The following RAD51B variants were observed in gnomAD, a reference collection of about 807,000 sequenced individuals.
RAD51B encodes the protein RAD51 paralog B.
RAD51B carries 38 observed loss-of-function variants against 42.2 expected under a neutral mutation model. That is an observed-to-expected ratio of 0.90 (90% confidence interval 0.70 to 1.18). The LOEUF (loss-of-function observed/expected upper bound fraction) is 1.18, where lower values mean the gene tolerates loss of function less well. Ranked by LOEUF, RAD51B falls within the 50% of genes most tolerant of loss-of-function variation. The pLI is 0.00. For missense variants in RAD51B, 373 were observed against 400.7 expected, an observed-to-expected ratio of 0.93 and a Z score of 0.59; for synonymous variants, 154 against 145.2, an observed-to-expected ratio of 1.06 and a Z score of -0.43.
At chr14:68,514,107 C>T (rs1360761214) in intron 10 of RAD51B, among the ~76,000 whole-genome samples, 4 of 152,198 alleles carry the variant, frequency 2.6e-5, no homozygotes, top group African/African-American at 9.7e-5. Context: ...TACTGACTAG[C>T]TATGTGGCAA....
rs373899930 is a variant in RAD51B at position 68,677,239 on chromosome 14, G to A, written c.*11+26383G>A. On this transcript the variant is annotated intron_variant, in intron 11 of 11. Transcript: ENST00000488612. ...GAGCCTAAATCAGGCTCACCCTGGGGAACAAGTTCAGAGGACCCCATCAGT... is the reference window on the plus strand; with the variant it reads ...GAGCCTAAATCAGGCTCACCCTGGGAAACAAGTTCAGAGGACCCCATCAGT... Among the ~76,000 whole-genome samples the A allele has an allele frequency of 7.9e-5, 12 of 152,236 alleles. No homozygotes were observed. In the South Asian group the frequency reaches 2.5e-3, roughly 32 times the overall value.
intron 7 of RAD51B, among the ~76,000 whole-genome samples, chr14:67,948,908 G>T (rs942998684): frequency 6.0e-5 from 8 of 134,316 alleles, no homozygotes; most frequent in Non-Finnish European, 9.2e-5. Context: ...TTCCAGCCTG[G>T]GTGACAGAGT....
chr14:68,159,786 C>A (rs1043789767), intron 7 of RAD51B, among the ~76,000 whole-genome samples: 5 of 151,986 alleles, frequency 3.3e-5, no homozygotes, highest in Admixed American at 2.0e-4. Context: ...TTTTCTTACT[C>A]CCGTTCCAGA....
intron 10 of RAD51B, chr14:68,563,363 G>T: frequency 1.0e-6 from 1 of 985,410 alleles, no homozygotes; most frequent in Non-Finnish European, 1.2e-6. Flanking sequence ...CCTTCCCAGT[G>T]ATACTGCGAG....
At chr14:68,149,242 G>A (rs2078321683) in intron 7 of RAD51B, among the ~76,000 whole-genome samples, 1 of 151,736 alleles carries the variant, frequency 6.6e-6, no homozygotes, top group Non-Finnish European at 1.5e-5. Context: ...TTCATGGATT[G>A]TGCTTTAAGT....
chr14:68,375,609 G>A (rs1479838327), intron 8 of RAD51B, among the ~76,000 whole-genome samples: 1 of 149,852 alleles, frequency 6.7e-6, no homozygotes, highest in Non-Finnish European at 1.5e-5. Context: ...TTGTGTAACT[G>A]TTTGCATGTT....
At chr14:67,882,999 C>T (rs2042958638) in intron 5 of RAD51B, among the ~76,000 whole-genome samples, 1 of 152,244 alleles carries the variant, frequency 6.6e-6, no homozygotes, top group South Asian at 2.1e-4. Context: ...CCTGCCTTGG[C>T]CTCCCAGGGT....
intron 7 of RAD51B, among the ~76,000 whole-genome samples, chr14:68,274,364 T>G (rs2081180259): frequency 6.6e-6 from 1 of 152,184 alleles, no homozygotes; most frequent in Non-Finnish European, 1.5e-5. Context: ...ATTTTAAAAT[T>G]TATCTCTGGA....
At chr14:68,679,353 T>C (rs1260591333) in intron 11 of RAD51B, among the ~76,000 whole-genome samples, 1 of 152,230 alleles carries the variant, frequency 6.6e-6, no homozygotes, top group Non-Finnish European at 1.5e-5. Flanking sequence ...AGGTTGAGTT[T>C]TTAACCAAAG....
intron 7 of RAD51B, among the ~76,000 whole-genome samples, chr14:67,984,245 G>A (rs2075145460): frequency 6.6e-6 from 1 of 152,010 alleles, no homozygotes; most frequent in Non-Finnish European, 1.5e-5. Context: ...CCAGGGCTGG[G>A]TTTTTATTAA....
At chr14:68,610,390 GCTT>G (rs1181432780) in intron 10 of RAD51B, among the ~76,000 whole-genome samples, 2 of 152,100 alleles carry the variant, frequency 1.3e-5, no homozygotes, top group Admixed American at 6.5e-5. Context: ...TTTGGGCCTC[GCTT>G]CCCGTGGTCT....
intron 10 of RAD51B, among the ~76,000 whole-genome samples, chr14:68,507,121 A>G (rs1242883908): frequency 6.6e-6 from 1 of 152,122 alleles, no homozygotes; most frequent in African/African-American, 2.4e-5. Flanking sequence ...GTGCTCTTGA[A>G]GTACACATGA....
At chr14:68,451,837 T>C (rs953833615) in intron 9 of RAD51B, among the ~76,000 whole-genome samples, 2 of 152,212 alleles carry the variant, frequency 1.3e-5, no homozygotes, top group African/African-American at 4.8e-5. Context: ...TTTCAGCCCC[T>C]TTACATAGAA....
intron 7 of RAD51B, among the ~76,000 whole-genome samples, chr14:68,229,985 T>C (rs1392088339): frequency 2.0e-5 from 3 of 152,196 alleles, no homozygotes; most frequent in African/African-American, 2.4e-5. Context: ...TTTAACTAGG[T>C]TGAAGCAACT....
intron 7 of RAD51B, among the ~76,000 whole-genome samples, chr14:67,924,074 T>C (rs1401954802): frequency 1.3e-5 from 2 of 152,164 alleles, no homozygotes; most frequent in African/African-American, 4.8e-5. Context: ...TTGATGGGAT[T>C]ATTTGTTTTT....
At chr14:68,014,199 CT>C (rs35420035) in intron 7 of RAD51B, among the ~76,000 whole-genome samples, 36,930 of 138,098 alleles carry the variant, frequency 0.27, 4,924 homozygotes, top group Middle Eastern at 0.41. Flanking sequence ...TCTTTTCTTT[CT>C]TTTTTTTTTT....
chr14:68,381,410 T>G (rs1379736715), intron 8 of RAD51B, among the ~76,000 whole-genome samples: 1 of 152,176 alleles, frequency 6.6e-6, no homozygotes, highest in Non-Finnish European at 1.5e-5. Flanking sequence ...GCACGGTGGC[T>G]CACACCTGTA....
At chr14:67,875,802 C>CA (rs1202354381) in intron 5 of RAD51B, among the ~76,000 whole-genome samples, 1 of 152,106 alleles carries the variant, frequency 6.6e-6, no homozygotes, top group Non-Finnish European at 1.5e-5. Flanking sequence ...GGAGGCATAG[C>CA]AGGGAGTGGT....
intron 8 of RAD51B, among the ~76,000 whole-genome samples, chr14:68,311,654 C>T (rs894886840): frequency 3.3e-5 from 5 of 152,028 alleles, no homozygotes; most frequent in African/African-American, 7.2e-5. Context: ...TTTGGGAGGC[C>T]GAGGCGGGTG....
Sources: allele counts gnomAD v4.1 joint callset (sites outside exome capture counted in the v4.1 genomes callset), GRCh38; gene constraint gnomAD v4.1.1; transcripts MANE v1.5; gene names NCBI Gene and HGNC (gene_info 2026-07-23, HGNC 2026-07-21).